SFMBT2: variants seen among roughly 807,000 people sequenced by gnomAD.
The protein encoded by SFMBT2 is scm-like with four MBT domains protein 2.
In SFMBT2, 38 loss-of-function variants were observed where a neutral mutation model predicts 110.1. The observed-to-expected ratio is 0.35, with a 90% CI of 0.27 to 0.45. The LOEUF is 0.45. Ranked by LOEUF, SFMBT2 falls within the 20% of genes least tolerant of loss-of-function variation. The pLI, the probability that SFMBT2 is intolerant of heterozygous loss-of-function variation, is 1.00. For synonymous variants in SFMBT2, 425 were observed against 425.4 expected, an observed-to-expected ratio of 1.00 and a Z score of 0.01; for missense variants, 1,011 against 1,094.9, an observed-to-expected ratio of 0.92 and a Z score of 1.08.
At chr10:7,249,422 G>A (rs1008213682) in intron 7 of SFMBT2, 58 of 676,072 alleles carry the variant, frequency 8.6e-5, no homozygotes, top group Non-Finnish European at 1.0e-4. Flanking sequence ...AATTTATCTT[G>A]CGGAGATGGA....
chr10:7,315,769 A>C (rs1842993190), intron 4 of SFMBT2, among the ~76,000 whole-genome samples: 1 of 152,234 alleles, frequency 6.6e-6, no homozygotes, highest in Non-Finnish European at 1.5e-5. Context: ...TAAGAGCTGT[A>C]TGACCTTCAG....
intron 4 of SFMBT2, among the ~76,000 whole-genome samples, chr10:7,325,403 T>G (rs747031862): frequency 1.4e-4 from 22 of 152,044 alleles, no homozygotes; most frequent in Non-Finnish European, 3.1e-4. Context: ...CTCAGAGAAG[T>G]TTAAAATCCT....
intron 9 of SFMBT2, among the ~76,000 whole-genome samples, chr10:7,240,641 T>TCCTC (rs1332629948): frequency 6.6e-6 from 1 of 152,142 alleles, no homozygotes; most frequent in Admixed American, 6.5e-5. Flanking sequence ...GAATCTTTAT[T>TCCTC]CCTCCACCGT....
chr10:7,205,668 C>T (rs1307777965), intron 12 of SFMBT2, 147 bp downstream of exon 12: 8 of 1,385,936 alleles, frequency 5.8e-6, no homozygotes, highest in East Asian at 2.8e-5. Flanking sequence ...AAAGATTAAG[C>T]GAGATCATGA....
At chr10:7,239,208 G>T (rs1840357600) in intron 9 of SFMBT2, among the ~76,000 whole-genome samples, 1 of 152,122 alleles carries the variant, frequency 6.6e-6, no homozygotes, top group African/African-American at 2.4e-5. Context: ...GCAACACATT[G>T]TAATTGTAGG....
chr10:7,227,625 G>A (rs367696452), intron 10 of SFMBT2, among the ~76,000 whole-genome samples: 1 of 152,152 alleles, frequency 6.6e-6, no homozygotes, highest in Non-Finnish European at 1.5e-5. Context: ...TCACCTTTTA[G>A]CATGTTCCAG....
chr10:7,228,770 CTCTCTCTCTCT>C (rs1564395561), intron 9 of SFMBT2, among the ~76,000 whole-genome samples: 9 of 134,998 alleles, frequency 6.7e-5, no homozygotes, highest in Non-Finnish European at 1.5e-4. Context: ...CTCTCTCTCT[CTCTCTCTCTCT>C]CCCCCTCCCT....
intron 4 of SFMBT2, among the ~76,000 whole-genome samples, chr10:7,319,907 TAAGA>T (rs1264940188): frequency 8.3e-5 from 5 of 59,914 alleles, no homozygotes; most frequent in Non-Finnish European, 1.9e-4. Flanking sequence ...AGAGAGAGAC[TAAGA>T]GAGAGAGACA....
At chr10:7,334,389 T>C (rs1843654333) in intron 4 of SFMBT2, among the ~76,000 whole-genome samples, 1 of 152,172 alleles carries the variant, frequency 6.6e-6, no homozygotes, top group Admixed American at 6.5e-5. Flanking sequence ...TGCCTCTTCA[T>C]CAGCTCCCCA....
chr10:7,237,383 T>C (rs1840289889), intron 9 of SFMBT2, among the ~76,000 whole-genome samples: 1 of 152,086 alleles, frequency 6.6e-6, no homozygotes, highest in African/African-American at 2.4e-5. Context: ...ATCTGAAAAA[T>C]GTTAATAAAT....
chr10:7,268,515 AT>A (rs770466011), intron 7 of SFMBT2, among the ~76,000 whole-genome samples: 90 of 147,026 alleles, frequency 6.1e-4, no homozygotes, highest in Middle Eastern at 3.6e-3. Context: ...GTTTTATCTA[AT>A]TTTTTTTTTT....
intron 1 of SFMBT2, among the ~76,000 whole-genome samples, chr10:7,391,566 C>G (rs547886716): frequency 1.8e-4 from 27 of 152,138 alleles, no homozygotes; most frequent in African/African-American, 6.0e-4. Context: ...ACCCAGGTGA[C>G]TGCAAAATTG....
At chr10:7,359,600 A>G (rs1844648966) in intron 4 of SFMBT2, among the ~76,000 whole-genome samples, 1 of 152,250 alleles carries the variant, frequency 6.6e-6, no homozygotes, top group African/African-American at 2.4e-5. Context: ...TCACTGCTTC[A>G]TGCTTACGGT....
At chr10:7,275,931 G>A (rs1841759960) in intron 7 of SFMBT2, among the ~76,000 whole-genome samples, 4 of 152,198 alleles carry the variant, frequency 2.6e-5, no homozygotes, top group Admixed American at 2.0e-4. Context: ...TGCCACCCCA[G>A]GGCTGGGAAG....
At chr10:7,174,435 C>G (rs1356578256) in intron 17 of SFMBT2, among the ~76,000 whole-genome samples, 2 of 152,210 alleles carry the variant, frequency 1.3e-5, no homozygotes, top group African/African-American at 4.8e-5. Context: ...GACTGGGTGA[C>G]CCCTGCTTTT....
chr10:7,283,761 C>G (rs549684730), intron 6 of SFMBT2, 143 bp downstream of exon 6: 2 of 695,308 alleles, frequency 2.9e-6, no homozygotes, highest in East Asian at 5.1e-5. Context: ...CTATGGAAAG[C>G]ATTGTGAAGT....
chr10:7,275,725 T>C (rs1841753241), intron 7 of SFMBT2, among the ~76,000 whole-genome samples: 1 of 152,148 alleles, frequency 6.6e-6, no homozygotes, highest in Admixed American at 6.5e-5. Flanking sequence ...GGGGAGATCT[T>C]AATAGTCCAA....
At chr10:7,349,347 C>G (rs1177613154) in intron 4 of SFMBT2, among the ~76,000 whole-genome samples, 1 of 150,126 alleles carries the variant, frequency 6.7e-6, no homozygotes, top group Admixed American at 6.7e-5. Context: ...ACCACCATGT[C>G]AAACTTAAGG....
intron 4 of SFMBT2, among the ~76,000 whole-genome samples, chr10:7,342,396 CTTTTTTTTTTTTT>C (rs71382101): frequency 4.3e-5 from 3 of 69,662 alleles, no homozygotes; most frequent in Non-Finnish European, 2.8e-5. Context: ...TGGAGTGAGT[CTTTTTTTTTTTTT>C]TTTTTTTTTT....
Sources: gnomAD v4.1 joint callset for allele counts (sites outside exome capture counted in the v4.1 genomes callset) on GRCh38, gnomAD v4.1.1 for gene constraint, MANE v1.5 for transcripts, NCBI Gene and HGNC (gene_info 2026-07-23, HGNC 2026-07-21) for gene names.